TMPRSS2: variants seen among roughly 807,000 people sequenced by gnomAD.
The protein encoded by TMPRSS2 is transmembrane serine protease 2, also known as transmembrane protease serine 2.
In TMPRSS2, 59 loss-of-function variants were observed where a neutral mutation model predicts 67.4. The ratio of observed to expected loss-of-function variants is 0.88; its 90% confidence interval spans 0.71 to 1.09. The LOEUF (loss-of-function observed/expected upper bound fraction) is 1.09, where lower values mean the gene tolerates loss of function less well. Among genes scored for constraint, TMPRSS2 ranks in the 50% least tolerant of loss-of-function variants. The pLI is 0.00. For synonymous variants in TMPRSS2, 257 were observed against 257.0 expected (o/e 1.00, Z 0.00); for missense variants, 668 against 642.7 (o/e 1.04, Z -0.43).
rs11910678 is a variant in TMPRSS2 at position 41,465,059 on chromosome 21, T to C, written c.*1083A>G. ...TTCGCCGCCACCATGGGCACTTTGCTTCAGCACATTCATTTATAGAACGTT... is the reference window on the plus strand; with the variant it reads ...TTCGCCGCCACCATGGGCACTTTGCCTCAGCACATTCATTTATAGAACGTT... On this transcript the variant is annotated 3_prime_UTR_variant, in exon 14 of 14. Transcript: ENST00000332149. The C allele has an allele frequency of 0.037, 8,596 of 233,414 alleles. 603 individuals are homozygous for C. The highest frequency in any genetic ancestry group is 0.15 in the African/African-American group (6,814 of 45,406). The allele number at this position is 233,414 out of a possible 1,614,324, so 14.5% of individuals were successfully genotyped here.
intron 13 of TMPRSS2, among the ~76,000 whole-genome samples, chr21:41,466,852 A>G (rs2091088914): frequency 6.6e-6 from 1 of 152,174 alleles, no homozygotes; most frequent in Non-Finnish European, 1.5e-5. Context: ...GGTCCTGGAG[A>G]TGAGAAGATC....
intron 1 of TMPRSS2, chr21:41,506,455 G>GT (rs1326382797): frequency 2.0e-5 from 3 of 152,350 alleles, no homozygotes; most frequent in African/African-American, 7.2e-5. Context: ...CTGTCCAGTA[G>GT]TTCTGTAGCG....
intron 5 of TMPRSS2, among the ~76,000 whole-genome samples, chr21:41,482,435 C>G (rs551442751): frequency 6.6e-6 from 1 of 152,136 alleles, no homozygotes; most frequent in Admixed American, 6.5e-5. Context: ...ATAAATGATG[C>G]GTTCAAGTAT....
intron 1 of TMPRSS2, chr21:41,506,449 C>T (rs2091458483): frequency 6.6e-6 from 1 of 152,466 alleles, no homozygotes; most frequent in East Asian, 1.9e-4. Context: ...CCTCACCTGT[C>T]CAGTAGTTCT....
intron 11 of TMPRSS2, among the ~76,000 whole-genome samples, chr21:41,470,401 A>T (rs1340123010): frequency 1.3e-5 from 2 of 152,206 alleles, no homozygotes; most frequent in Non-Finnish European, 2.9e-5. Context: ...TATGGCCCAG[A>T]TACTTCAAAA....
chr21:41,472,701 G>A lies in TMPRSS2; in HGVS notation c.899+624C>T, dbSNP rs536642840. On this transcript the variant is annotated intron_variant, in intron 9 of 13. Coordinates refer to ENST00000332149, the MANE Select transcript of TMPRSS2 (RefSeq NM_005656.4). ...AATCGTCTAAGGGCACGCAGCAAGA[G>A]AGGGCTGGGCCAACAGTCAAACCCA... is the stretch of plus-strand genomic sequence containing the variant. Among the ~76,000 whole-genome samples, 3 of 152,328 alleles carry A rather than the reference G, an allele frequency of 2.0e-5. No individual in the cohort carries two copies. In the East Asian group the frequency reaches 5.8e-4, roughly 29 times the overall value.
At chr21:41,505,957 G>C (rs1258401106) in intron 1 of TMPRSS2, among the ~76,000 whole-genome samples, 1 of 152,210 alleles carries the variant, frequency 6.6e-6, no homozygotes, top group Non-Finnish European at 1.5e-5. Context: ...TCTTGGACAA[G>C]CTTCCCAACC....
rs530553979 is a variant in TMPRSS2, at chr21:41,485,189, C to G, written c.445+3205G>C. Reference sequence around the variant, plus strand: ...GAAGAAGAGATTTTTCACAGCATACCCTTTTGTACTTCCTTGATTTTGACC... The same window carrying G: ...GAAGAAGAGATTTTTCACAGCATACGCTTTTGTACTTCCTTGATTTTGACC... On this transcript the variant is annotated intron_variant, in intron 5 of 13. Coordinates refer to ENST00000332149, the MANE Select transcript of TMPRSS2 (RefSeq NM_005656.4). Among the ~76,000 whole-genome samples the G allele has an allele frequency of 8.6e-5, 13 of 150,762 alleles. No homozygotes were observed. The South Asian group carries it at 2.8e-3, about 32-fold the overall frequency.
At chr21:41,473,191 G>A (rs1360767451) in intron 9 of TMPRSS2, 134 bp downstream of exon 9, 1 of 1,049,050 alleles carries the variant, frequency 9.5e-7, no homozygotes, top group Non-Finnish European at 1.3e-6. Flanking sequence ...CACAGCCCTA[G>A]GAAGCAGGTG....
chr21:41,472,247 C>T (rs146957681), intron 9 of TMPRSS2, among the ~76,000 whole-genome samples: 21 of 152,098 alleles, frequency 1.4e-4, no homozygotes, highest in Admixed American at 4.6e-4. Context: ...CACAATGGGC[C>T]GACATCCCTC....
intron 1 of TMPRSS2, among the ~76,000 whole-genome samples, chr21:41,502,910 T>A (rs949500768): frequency 2.6e-5 from 4 of 152,346 alleles, no homozygotes; most frequent in Admixed American, 2.6e-4. Context: ...GTTTGTTTTT[T>A]AAATCTCACT....
Position 41,476,660 on chromosome 21 carries a change from G to A in TMPRSS2, c.684-40C>T, listed in dbSNP as rs751334985. On this transcript the variant is annotated intron_variant, in intron 7 of 13. Coordinates refer to ENST00000332149, the MANE Select transcript of TMPRSS2 (RefSeq NM_005656.4). The stretch of plus-strand genomic sequence containing the variant: ...GGGGAAATTCTGGTCACGATAGTGC[G>A]GAGTCACCTGCCTCTCACATGCTTA... 79 of 1,554,686 alleles carry A rather than the reference G, an allele frequency of 5.1e-5. No homozygotes were observed. In the Middle Eastern group the frequency reaches 6.7e-4, roughly 13 times the overall value.
intron 3 of TMPRSS2, among the ~76,000 whole-genome samples, chr21:41,490,032 T>C (rs147099383): frequency 0.036 from 5,464 of 151,450 alleles, 167 homozygotes; most frequent in East Asian, 0.13. Context: ...CCTGTAATCC[T>C]AGCTACTTGG....
At chr21:41,487,743 T>C (rs402197) in intron 5 of TMPRSS2, 144,694 of 152,352 alleles carry the variant, frequency 0.95, 69,288 homozygotes, top group Non-Finnish European at 0.98. Flanking sequence ...AACAGATAGA[T>C]CTTTAAAGGC....
chr21:41,469,655 C>T (rs1417723042), intron 11 of TMPRSS2, among the ~76,000 whole-genome samples: 16 of 152,254 alleles, frequency 1.1e-4, no homozygotes, highest in South Asian at 4.2e-4. Context: ...TCAAAATAGC[C>T]GGGACCTTGT....
At chr21:41,466,509 T>A (rs954049413) in intron 13 of TMPRSS2, among the ~76,000 whole-genome samples, 1 of 152,228 alleles carries the variant, frequency 6.6e-6, no homozygotes, top group Non-Finnish European at 1.5e-5. Context: ...AGCTCCATCC[T>A]GGTGCGAGTC....
chr21:41,489,140 G>A (rs2091318006), intron 4 of TMPRSS2, among the ~76,000 whole-genome samples: 1 of 152,202 alleles, frequency 6.6e-6, no homozygotes, highest in Non-Finnish European at 1.5e-5. Context: ...CACCACCCCA[G>A]GCTGATGGGA....
In TMPRSS2 at chr21:41,465,946, T is replaced by C. The variant is rs887395741; in HGVS notation, c.*196A>G. On this transcript the variant is annotated 3_prime_UTR_variant, in exon 14 of 14. Coordinates refer to ENST00000332149, the MANE Select transcript of TMPRSS2 (RefSeq NM_005656.4). ...CCATCACCCCTTGCGGACAAGGGGT[T>C]AGGGAGAGCAGGCTGGGCAGGGGAG... 3.0e-6 allele frequency: 2 copies of C among 660,396 alleles called. No individual in the cohort carries two copies. The highest frequency in any genetic ancestry group is 3.7e-5 in the African/African-American group (2 of 54,536). 40.9% of individuals were successfully genotyped at this position (660,396 alleles called of 1,614,324 possible).
chr21:41,480,456 G>A lies in TMPRSS2; in HGVS notation c.572+20C>T, dbSNP rs762438307. 1.1e-5 allele frequency: 17 copies of A among 1,609,022 alleles called. No individual in the cohort carries two copies. Among genetic ancestry groups the A allele is most frequent in the Admixed American group, 8.4e-5 (5 of 59,548 alleles). On this transcript the variant is annotated intron_variant, in intron 6 of 13. Transcript: ENST00000332149. ...CTGCTGTCTGTTACTGTCACTCGGC[G>A]GGTGCTGCCCCATACTCACTTATAG...
Sources: gnomAD v4.1 joint callset for allele counts (sites outside exome capture counted in the v4.1 genomes callset) on GRCh38, gnomAD v4.1.1 for gene constraint, MANE v1.5 for transcripts, NCBI Gene and HGNC (gene_info 2026-07-23, HGNC 2026-07-21) for gene names.